SHTN1: variants seen among roughly 807,000 people sequenced by gnomAD.
SHTN1 encodes the protein shootin-1.
A neutral mutation model predicts 83.1 loss-of-function variants in SHTN1; 42 were observed. The observed-to-expected ratio is 0.51, with a 90% CI of 0.39 to 0.65. The LOEUF (loss-of-function observed/expected upper bound fraction) is 0.65, where lower values mean the gene tolerates loss of function less well. SHTN1 is among the 30% of genes least tolerant of loss of function. The pLI, the probability that SHTN1 is intolerant of heterozygous loss-of-function variation, is 0.00. For synonymous variants in SHTN1, 224 were observed against 247.7 expected, an observed-to-expected ratio of 0.90 and a Z score of 0.90; for missense variants, 622 against 737.8, an observed-to-expected ratio of 0.84 and a Z score of 1.82.
At chr10:117,012,033 G>A (rs555787430) in intron 2 of SHTN1, among the ~76,000 whole-genome samples, 2 of 151,734 alleles carry the variant, frequency 1.3e-5, no homozygotes, top group East Asian at 1.9e-4. Context: ...CAGCTACTCC[G>A]GAGGCTGAGG....
At chr10:116,954,998 T>C (rs770638039) in intron 4 of SHTN1, among the ~76,000 whole-genome samples, 8 of 151,822 alleles carry the variant, frequency 5.3e-5, no homozygotes, top group Non-Finnish European at 8.8e-5. Flanking sequence ...TCTATGGAAG[T>C]CTCTGATATT....
chr10:116,939,139 C>T lies in SHTN1; in HGVS notation c.858+1327G>A, dbSNP rs191055376. Among the ~76,000 whole-genome samples the T allele has an allele frequency of 5.3e-3, 806 of 152,322 alleles. 1 individual carries two copies. The highest frequency in any genetic ancestry group is 8.2e-3 in the Non-Finnish European group (558 of 68,028). ...GGATCTGCTGGGCTAGACCACTTGG[C>T]TCCCTGGCTTCTGCCCCCTTTCCAG... On this transcript the variant is annotated intron_variant, in intron 9 of 16. Coordinates refer to ENST00000355371, the MANE Select transcript of SHTN1 (RefSeq NM_001127211.3).
At chr10:117,051,040 G>A (rs190585911) in intron 1 of SHTN1, among the ~76,000 whole-genome samples, 123 of 152,172 alleles carry the variant, frequency 8.1e-4, no homozygotes, top group Non-Finnish European at 1.5e-3. Context: ...CTGGGTGACA[G>A]AGTGAGATCC....
At chr10:117,102,527 T>C (rs1853610089) in intron 1 of SHTN1, among the ~76,000 whole-genome samples, 1 of 152,126 alleles carries the variant, frequency 6.6e-6, no homozygotes, top group African/African-American at 2.4e-5. Flanking sequence ...ATCTGAAAAT[T>C]AGCAGGAGCT....
chr10:117,041,011 A>G (rs1852576723), intron 2 of SHTN1, among the ~76,000 whole-genome samples: 1 of 152,046 alleles, frequency 6.6e-6, no homozygotes, highest in Admixed American at 6.6e-5. Flanking sequence ...GGTTAGTTAC[A>G]TATGTACACA....
rs987855582 is a variant in SHTN1 at position 116,882,426 on chromosome 10, A to G, written c.*3918T>C. On this transcript the variant is annotated 3_prime_UTR_variant, in exon 17 of 17. Transcript: ENST00000355371. The stretch of plus-strand genomic sequence containing the variant: ...AAAAAAAAAAAAAAAATGATGTGAC[A>G]TATCCATTGCCTGAATTGCTCTTTT... The G allele has an allele frequency of 5.8e-4, 25 of 43,394 alleles. No homozygotes were observed. The highest frequency in any genetic ancestry group is 6.1e-4 in the Admixed American group (2 of 3,278). The allele number at this position is 43,394 out of a possible 1,614,324, so 2.7% of individuals were successfully genotyped here.
In SHTN1 at chr10:117,038,274, G is replaced by A. The variant is rs369931871; in HGVS notation, c.-123+10171C>T. 1.0e-4 allele frequency among the ~76,000 whole-genome samples: 15 copies of A among 150,256 alleles called. No homozygotes were observed. The East Asian group carries it at 1.4e-3, about 14-fold the overall frequency. On this transcript the variant is annotated intron_variant, in intron 2 of 17. Coordinates refer to the SHTN1 transcript ENST00000392901. Reference sequence around the variant, plus strand: ...TCCCACCTCAGCCTCCCAAGTAGCTGGGACTACAGACATGCCACCATACCC... The same window carrying A: ...TCCCACCTCAGCCTCCCAAGTAGCTAGGACTACAGACATGCCACCATACCC...
At position 116,990,743 on chromosome 10, in the gene SHTN1, G is replaced by GT. The variant is rs531717750; in HGVS notation, c.59-11436dup. ...AGCTTTTGTTTTTCTGTTTGTCTTA[G>GT]TGACTCCTGTCTCTTTTTGTCTTTC... On this transcript the variant is annotated intron_variant, in intron 1 of 16. Coordinates refer to ENST00000355371, the MANE Select transcript of SHTN1 (RefSeq NM_001127211.3). Among the ~76,000 whole-genome samples the GT allele has an allele frequency of 1.2e-3, 183 of 152,090 alleles. 1 individual carries two copies. Among genetic ancestry groups the GT allele is most frequent in the African/African-American group, 4.3e-3 (177 of 41,484 alleles).
intron 16 of SHTN1, among the ~76,000 whole-genome samples, chr10:116,898,623 T>C (rs894804598): frequency 6.6e-6 from 1 of 152,164 alleles, no homozygotes; most frequent in Non-Finnish European, 1.5e-5. Flanking sequence ...AGATGGTATA[T>C]ACTTATTAGA....
At chr10:116,996,398 A>T (rs545711356) in intron 1 of SHTN1, among the ~76,000 whole-genome samples, 8 of 152,316 alleles carry the variant, frequency 5.3e-5, no homozygotes, top group African/African-American at 1.9e-4. Context: ...TTCTGAAGCT[A>T]TGCAAGCTAA....
chr10:117,056,185 A>G (rs1852824491), intron 1 of SHTN1, among the ~76,000 whole-genome samples: 1 of 152,230 alleles, frequency 6.6e-6, no homozygotes, highest in Non-Finnish European at 1.5e-5. Context: ...CAAGAAAGTA[A>G]AAGATGAAGG....
At chr10:116,890,632 T>C (rs775822217) in intron 16 of SHTN1, among the ~76,000 whole-genome samples, 71 of 152,338 alleles carry the variant, frequency 4.7e-4, no homozygotes, top group Admixed American at 3.0e-3. Context: ...ACGAGAAATA[T>C]ACCAAGTTAT....
chr10:117,078,517 T>C (rs1000792407), intron 1 of SHTN1, among the ~76,000 whole-genome samples: 1 of 152,174 alleles, frequency 6.6e-6, no homozygotes, highest in Admixed American at 6.6e-5. Context: ...TGCCATGATT[T>C]TGGGAATAAG....
At chr10:116,961,059 T>G (rs2133442320) in intron 3 of SHTN1, among the ~76,000 whole-genome samples, 1 of 151,886 alleles carries the variant, frequency 6.6e-6, no homozygotes, top group Middle Eastern at 3.4e-3. Context: ...TCTAGTTAAA[T>G]GAAAACTCTC....
intron 1 of SHTN1, among the ~76,000 whole-genome samples, chr10:117,056,833 A>G (rs1852832829): frequency 6.6e-6 from 1 of 152,174 alleles, no homozygotes; most frequent in Admixed American, 6.6e-5. Flanking sequence ...CAAACAAAAC[A>G]AAATAAAAAC....
chr10:117,015,693 A>C (rs2133559582), intron 2 of SHTN1, among the ~76,000 whole-genome samples: 1 of 152,346 alleles, frequency 6.6e-6, no homozygotes, highest in Admixed American at 6.5e-5. Context: ...CACTTCTGCA[A>C]GATGTGGCAA....
chr10:117,115,348 G>C (rs1378835741), intron 1 of SHTN1, among the ~76,000 whole-genome samples: 1 of 152,004 alleles, frequency 6.6e-6, no homozygotes, highest in Non-Finnish European at 1.5e-5. Flanking sequence ...ATATACAAGT[G>C]TCTGGCCCAT....
intron 2 of SHTN1, among the ~76,000 whole-genome samples, chr10:117,033,956 G>T (rs1489910260): frequency 6.6e-6 from 1 of 152,086 alleles, no homozygotes; most frequent in Non-Finnish European, 1.5e-5. Context: ...TGCTGAAAAA[G>T]CATTTGATGA....
chr10:117,050,260 T>G (rs10736263), intron 1 of SHTN1, among the ~76,000 whole-genome samples: 147,717 of 152,244 alleles, frequency 0.97, 71,826 homozygotes, highest in Non-Finnish European at 1. Context: ...GCAAGACTGA[T>G]AAAGATAAAA....
Sources: gnomAD v4.1 joint callset for allele counts (sites outside exome capture counted in the v4.1 genomes callset) on GRCh38, gnomAD v4.1.1 for gene constraint, MANE v1.5 for transcripts, NCBI Gene and HGNC (gene_info 2026-07-23, HGNC 2026-07-21) for gene names.